NALCN: variants seen among roughly 807,000 people sequenced by gnomAD.
NALCN encodes the protein sodium leak channel NALCN.
A neutral mutation model predicts 225.3 loss-of-function variants in NALCN; 111 were observed. That is an observed-to-expected ratio of 0.49 (90% confidence interval 0.42 to 0.58). The LOEUF (loss-of-function observed/expected upper bound fraction) is 0.58, where lower values mean the gene tolerates loss of function less well. NALCN is among the 20% of genes least tolerant of loss of function. The pLI is 0.00. For missense variants in NALCN, 1,378 were observed against 2,202.4 expected, an observed-to-expected ratio of 0.63 and a Z score of 7.49; for synonymous variants, 764 against 769.0, an observed-to-expected ratio of 0.99 and a Z score of 0.11.
Position 101,073,602 on chromosome 13 carries a change from C to A in NALCN, c.4179G>T (p.Lys1393Asn). The part of the protein sequence containing the change: ...FRIVTGEDWN[K>N]IMHDCMVQPP... ...TATTTACCATACAGTCATGCATAATCTTGTTCCAGTCTTCACCTGTGACAA... is the reference window on the plus strand; with the variant it reads ...TATTTACCATACAGTCATGCATAATATTGTTCCAGTCTTCACCTGTGACAA... Residue 1393 changes from lysine (K) to asparagine (N), a missense_variant, in exon 37 of 44, where the codon AAG becomes AAT. Coordinates refer to ENST00000251127, the MANE Select transcript of NALCN (RefSeq NM_052867.4). 6.2e-7 allele frequency: 1 copy of A among 1,613,502 alleles called. No homozygotes were observed. The highest frequency in any genetic ancestry group is 1.6e-4 in the Middle Eastern group (1 of 6,062).
intron 7 of NALCN, among the ~76,000 whole-genome samples, chr13:101,332,129 A>T (rs1469114005): frequency 6.6e-6 from 1 of 152,178 alleles, no homozygotes; most frequent in Non-Finnish European, 1.5e-5. Context: ...AAAAAATATG[A>T]TAAAAACAAA....
chr13:101,121,954 CTTTTT>C (rs34912854), intron 18 of NALCN, among the ~76,000 whole-genome samples: 2 of 146,896 alleles, frequency 1.4e-5, no homozygotes, highest in Admixed American at 6.7e-5. Flanking sequence ...AAATGTTTTC[CTTTTT>C]TTTTTTTTTA....
chr13:101,062,206 C>T, intron 40 of NALCN, 88 bp from the exon 41 acceptor site: 1 of 1,470,374 alleles, frequency 6.8e-7, no homozygotes, highest in Non-Finnish European at 9.2e-7. Flanking sequence ...GAGGACATCA[C>T]TCAGTCTAAT....
chr13:101,065,311 G>T, intron 40 of NALCN, 93 bp downstream of exon 40: 1 of 1,394,198 alleles, frequency 7.2e-7, no homozygotes. Context: ...TTTTGGGTTG[G>T]AAACACACTT....
chr13:101,365,337 G>A (rs541700972), intron 6 of NALCN, among the ~76,000 whole-genome samples: 10 of 152,154 alleles, frequency 6.6e-5, no homozygotes, highest in Admixed American at 2.0e-4. Context: ...TTAGGATAAC[G>A]GCCTCCAGCT....
At chr13:101,401,402 A>G (rs2047475268) in intron 1 of NALCN, among the ~76,000 whole-genome samples, 1 of 152,042 alleles carries the variant, frequency 6.6e-6, no homozygotes, top group Admixed American at 6.6e-5. Flanking sequence ...TGTAGATACA[A>G]TCTTTTAGAA....
chr13:101,270,716 A>G (rs898369004), intron 10 of NALCN, among the ~76,000 whole-genome samples: 1 of 152,348 alleles, frequency 6.6e-6, no homozygotes, highest in East Asian at 1.9e-4. Flanking sequence ...GCAGCTTTAG[A>G]GTGCATAAGG....
At chr13:101,392,009 A>AC (rs1233283788) in intron 3 of NALCN, among the ~76,000 whole-genome samples, 255 of 151,640 alleles carry the variant, frequency 1.7e-3, no homozygotes, top group African/African-American at 6.0e-3. Flanking sequence ...AAAAACAAAA[A>AC]AAAAACAAAA....
intron 7 of NALCN, among the ~76,000 whole-genome samples, chr13:101,304,406 G>A (rs1418795905): frequency 6.6e-6 from 1 of 152,038 alleles, no homozygotes; most frequent in East Asian, 1.9e-4. Flanking sequence ...CTAGGTATTT[G>A]TCCTCATGCT....
At chr13:101,395,477 TG>T (rs1222093504) in intron 2 of NALCN, 112 bp from the exon 3 acceptor site, 9 of 992,724 alleles carry the variant, frequency 9.1e-6, no homozygotes, top group Non-Finnish European at 1.3e-5. Flanking sequence ...AGTTTACTAA[TG>T]TGGAGGTGAA....
chr13:101,362,344 G>C (rs2046274119), intron 6 of NALCN, among the ~76,000 whole-genome samples: 1 of 151,956 alleles, frequency 6.6e-6, no homozygotes, highest in Non-Finnish European at 1.5e-5. Context: ...ACGTACATAG[G>C]CTTGGAAGTT....
intron 14 of NALCN, among the ~76,000 whole-genome samples, chr13:101,179,042 T>C (rs1027006508): frequency 2.0e-5 from 3 of 152,216 alleles, no homozygotes; most frequent in African/African-American, 7.2e-5. Context: ...TATGTTATTC[T>C]ATTAAATTTG....
At chr13:101,200,915 G>A (rs1566423092) in intron 13 of NALCN, among the ~76,000 whole-genome samples, 1 of 152,066 alleles carries the variant, frequency 6.6e-6, no homozygotes, top group Non-Finnish European at 1.5e-5. Context: ...TAGTATGTGT[G>A]GATATCAATT....
intron 17 of NALCN, among the ~76,000 whole-genome samples, chr13:101,134,473 T>C (rs1391339447): frequency 2.0e-5 from 3 of 152,268 alleles, no homozygotes; most frequent in Non-Finnish European, 4.4e-5. Context: ...TCTTTCATTG[T>C]CTAGCACTGT....
chr13:101,256,913 G>A (rs900954695), intron 11 of NALCN, among the ~76,000 whole-genome samples: 1 of 151,644 alleles, frequency 6.6e-6, no homozygotes, highest in Non-Finnish European at 1.5e-5. Flanking sequence ...ACAGGTGCCC[G>A]ACACTACACC....
rs147226672 is a variant in NALCN, at chr13:101,149,605, T to C, written c.1840-4709A>G. On this transcript the variant is annotated intron_variant, in intron 15 of 43. Coordinates refer to ENST00000251127, the MANE Select transcript of NALCN (RefSeq NM_052867.4). ...CAACTTGGTCATTGCGCTGTGAAAC[T>C]ACAAAGAACAGACGGGAAGCTCTTT... 2.7e-3 allele frequency among the ~76,000 whole-genome samples: 412 copies of C among 152,334 alleles called. 1 individual carries two copies. The highest frequency in any genetic ancestry group is 8.3e-3 in the African/African-American group (343 of 41,568).
intron 27 of NALCN, among the ~76,000 whole-genome samples, chr13:101,100,078 T>TAAGGACAA (rs2034724233): frequency 3.3e-5 from 5 of 152,104 alleles, no homozygotes; most frequent in Admixed American, 6.6e-5. Flanking sequence ...TTTGGGTCTT[T>TAAGGACAA]GTGGAGGTCC....
chr13:101,307,667 T>C (rs1394590299), intron 7 of NALCN, among the ~76,000 whole-genome samples: 2 of 152,210 alleles, frequency 1.3e-5, no homozygotes, highest in Non-Finnish European at 2.9e-5. Flanking sequence ...TTAAACAGAC[T>C]AGCCCAAGAA....
At chr13:101,205,893 A>C (rs1175065627) in intron 13 of NALCN, among the ~76,000 whole-genome samples, 5 of 152,142 alleles carry the variant, frequency 3.3e-5, no homozygotes, top group Non-Finnish European at 5.9e-5. Context: ...GGATTAATTA[A>C]AAATATTTCC....
Sources: allele counts gnomAD v4.1 joint callset (sites outside exome capture counted in the v4.1 genomes callset), GRCh38; gene constraint gnomAD v4.1.1; transcripts MANE v1.5; gene names NCBI Gene and HGNC (gene_info 2026-07-23, HGNC 2026-07-21).